The following TTC39C variants were observed in gnomAD, a reference collection of about 807,000 sequenced individuals.
TTC39C encodes tetratricopeptide repeat protein 39C.
A neutral mutation model predicts 76.3 loss-of-function variants in TTC39C; 33 were observed. The ratio of observed to expected loss-of-function variants is 0.43; its 90% CI spans 0.33 to 0.58. The LOEUF is 0.58. TTC39C is among the 20% of genes least tolerant of loss of function. TTC39C has a pLI of 0.04. For missense variants in TTC39C, 595 were observed against 701.4 expected (o/e 0.85, Z 1.71); for synonymous variants, 254 against 260.6 (o/e 0.97, Z 0.24).
In TTC39C at chr18:24,125,505, G is replaced by A. The variant is rs1289229384; in HGVS notation, c.1375G>A (p.Ala459Thr). Residue 459 changes from alanine (A) to threonine (T), a missense_variant, in exon 10 of 14, where the codon GCT (alanine) becomes ACT (threonine). Coordinates refer to ENST00000317571, the MANE Select transcript of TTC39C (RefSeq NM_001135993.2). ...TATTGAAGTGTTGTACTTGTGGAAAGCTCTTCCAAACTGTTCCTTCCCCAA... is the reference window on the plus strand; with the variant it reads ...TATTGAAGTGTTGTACTTGTGGAAAACTCTTCCAAACTGTTCCTTCCCCAA... ...ASIEVLYLWK[A>T]LPNCSFPNLQ... 25 of 1,614,064 alleles carry A rather than the reference G, an allele frequency of 1.5e-5. No individual in the cohort carries two copies. The highest frequency in any genetic ancestry group is 1.9e-5 in the Non-Finnish European group (23 of 1,180,046).
At chr18:24,034,837 A>G (rs1024903380) in intron 1 of TTC39C, among the ~76,000 whole-genome samples, 3 of 152,176 alleles carry the variant, frequency 2.0e-5, no homozygotes, top group African/African-American at 7.2e-5. Context: ...ATAATATTCC[A>G]TTGTTTGTAT....
At chr18:24,041,001 T>G (rs950318235) in intron 1 of TTC39C, among the ~76,000 whole-genome samples, 1 of 152,240 alleles carries the variant, frequency 6.6e-6, no homozygotes, top group Non-Finnish European at 1.5e-5. Flanking sequence ...AGTGGAATTT[T>G]GCATTAGCTA....
At position 24,080,914 on chromosome 18, in the gene TTC39C, A is replaced by G. The variant is rs772209125; in HGVS notation, c.790A>G (p.Lys264Glu). The change falls in exon 5 of 14, where the codon AAG becomes GAG. Residue 264 changes from lysine (K) to glutamate (E), a missense_variant. By Grantham distance (56) the Lys-to-Glu change is moderately conservative. Coordinates refer to ENST00000317571, the MANE Select transcript of TTC39C (RefSeq NM_001135993.2). ...TTCACTGATGTATGCAAGCGAAAGT[A>G]AGGACATGAAGGCCCCTTTAGCTAC... is the stretch of plus-strand genomic sequence containing the variant. Reference protein sequence around the residue: ...LSSLMYASESKDMKAPLATLA... With the variant: ...LSSLMYASESEDMKAPLATLA... The G allele has an allele frequency of 1.2e-6, 2 of 1,613,532 alleles. No individual in the cohort carries two copies. Among genetic ancestry groups the G allele is most frequent in the Non-Finnish European group, 1.7e-6 (2 of 1,179,750 alleles).
intron 6 of TTC39C, among the ~76,000 whole-genome samples, chr18:24,105,503 C>A (rs778257769): frequency 3.3e-5 from 5 of 152,174 alleles, no homozygotes; most frequent in Non-Finnish European, 5.9e-5. Context: ...CACACACACA[C>A]ATGCCTGCAC....
At chr18:24,063,192 ATT>A (rs2084120113) in intron 1 of TTC39C, among the ~76,000 whole-genome samples, 1 of 152,166 alleles carries the variant, frequency 6.6e-6, no homozygotes, top group African/African-American at 2.4e-5. Flanking sequence ...GAACATTTAT[ATT>A]CTTTTATTCT....
At chr18:24,042,206 G>C (rs1407155582) in intron 1 of TTC39C, among the ~76,000 whole-genome samples, 1 of 152,098 alleles carries the variant, frequency 6.6e-6, no homozygotes, top group Non-Finnish European at 1.5e-5. Context: ...ATTTAGGTGG[G>C]TTCTATTTTC....
chr18:24,015,021 G>A lies in TTC39C; in HGVS notation c.150G>A (p.Gln50=), dbSNP rs1260154231. Residue 50 remains glutamine, a synonymous_variant, in exon 1 of 14, where the codon CAG becomes CAA. Coordinates refer to ENST00000317571, the MANE Select transcript of TTC39C (RefSeq NM_001135993.2). Reference sequence around the variant, plus strand: ...ACAACGGCTTCAGGGAGTCGGACCAGCTTTTCAAACAATACAGGTGACCCA... The same window carrying A: ...ACAACGGCTTCAGGGAGTCGGACCAACTTTTCAAACAATACAGGTGACCCA... ...LLNNGFRESD[Q]LFKQYRNHSP... 3 of 1,509,686 alleles carry A rather than the reference G, an allele frequency of 2.0e-6. No individual in the cohort carries two copies. The highest frequency in any genetic ancestry group is 4.5e-5 in the Admixed American group (2 of 44,084). 93.5% of individuals were successfully genotyped at this position (1,509,686 alleles called of 1,614,324 possible).
At chr18:24,022,592 C>A (rs2083530850) in intron 1 of TTC39C, 2 of 985,262 alleles carry the variant, frequency 2.0e-6, no homozygotes, top group Admixed American at 6.1e-5. Context: ...CATTTTGGGG[C>A]AAGTTCCTTC....
intron 1 of TTC39C, among the ~76,000 whole-genome samples, chr18:24,046,008 T>A (rs373542743): frequency 7.3e-6 from 1 of 136,168 alleles, no homozygotes; most frequent in Non-Finnish European, 1.5e-5. Flanking sequence ...GCACAATCTC[T>A]GCTCACTGCA....
At chr18:24,109,459 T>C (rs2084785960) in intron 6 of TTC39C, among the ~76,000 whole-genome samples, 2 of 152,326 alleles carry the variant, frequency 1.3e-5, no homozygotes, top group Non-Finnish European at 2.9e-5. Context: ...TAGAATTGGG[T>C]AGTATTGTCT....
At chr18:24,067,450 G>C (rs973171791) in intron 3 of TTC39C, among the ~76,000 whole-genome samples, 2 of 152,198 alleles carry the variant, frequency 1.3e-5, no homozygotes, top group African/African-American at 4.8e-5. Flanking sequence ...TGGGCTGTTA[G>C]GAACCAAGCC....
In TTC39C at chr18:24,066,007, G is replaced by T; in HGVS notation, c.217-5G>T. ...TTCATTCATTCATTCTTTCTTTCTT[G>T]GAAGAATGCCATGATGACATTTGAG... On this transcript the variant is annotated splice_region_variant and splice_polypyrimidine_tract_variant and intron_variant, in intron 2 of 13. Transcript: ENST00000317571. 2 of 1,561,692 alleles carry T rather than the reference G, an allele frequency of 1.3e-6. No individual in the cohort carries two copies. Among genetic ancestry groups the T allele is most frequent in the Non-Finnish European group, 8.6e-7 (1 of 1,158,736 alleles).
intron 1 of TTC39C, chr18:24,019,981 C>A: frequency 6.8e-7 from 1 of 1,460,948 alleles, no homozygotes; most frequent in South Asian, 1.4e-5. Flanking sequence ...ATGTCAGATT[C>A]TTGGGAGGAC....
chr18:24,058,520 T>C (rs543544059), intron 1 of TTC39C, among the ~76,000 whole-genome samples: 3 of 152,028 alleles, frequency 2.0e-5, no homozygotes, highest in African/African-American at 7.2e-5. Flanking sequence ...CCGGGTGTGG[T>C]GGCATGAACC....
chr18:24,015,358 T>G (rs7236272), intron 1 of TTC39C: 3 of 224,796 alleles, frequency 1.3e-5, no homozygotes, highest in South Asian at 1.6e-4. Flanking sequence ...GGCTCCTCTC[T>G]GCAGGGCAGC....
intron 1 of TTC39C, among the ~76,000 whole-genome samples, chr18:24,031,570 A>G (rs9949855): frequency 0.033 from 4,991 of 152,168 alleles, 242 homozygotes; most frequent in African/African-American, 0.11. Context: ...CCTCTCAAGT[A>G]TCTGTTGAAT....
chr18:24,106,425 A>G (rs1173385798), intron 6 of TTC39C, among the ~76,000 whole-genome samples: 2 of 130,362 alleles, frequency 1.5e-5, no homozygotes, highest in Non-Finnish European at 3.1e-5. Context: ...ATCAGTTAGC[A>G]CTCTCAGGGG....
chr18:24,098,366 C>T (rs1256545223), intron 6 of TTC39C, among the ~76,000 whole-genome samples: 3 of 151,302 alleles, frequency 2.0e-5, no homozygotes, highest in Non-Finnish European at 4.4e-5. Context: ...GGCTTTCTTT[C>T]TTTCCTTTCT....
chr18:24,128,596 C>T (rs72881753), intron 10 of TTC39C, among the ~76,000 whole-genome samples: 20,479 of 152,088 alleles, frequency 0.13, 1,538 homozygotes, highest in Middle Eastern at 0.29. Context: ...ATTCTCTAAC[C>T]TGTGTGTCCA....
Sources: allele counts gnomAD v4.1 joint callset (sites outside exome capture counted in the v4.1 genomes callset), GRCh38; gene constraint gnomAD v4.1.1; transcripts MANE v1.5; gene names NCBI Gene and HGNC (gene_info 2026-07-23, HGNC 2026-07-21).